ST7L: variants seen among roughly 807,000 people sequenced by gnomAD.
ST7L encodes the protein suppression of tumorigenicity 7 like, also known as suppressor of tumorigenicity 7 protein-like.
A neutral mutation model predicts 72.5 loss-of-function variants in ST7L; 57 were observed. The ratio of observed to expected loss-of-function variants is 0.79; its 90% CI spans 0.64 to 0.98. The LOEUF (loss-of-function observed/expected upper bound fraction) is 0.98. ST7L is among the 50% of genes least tolerant of loss of function. ST7L has a pLI of 0.00. For missense variants in ST7L, 576 were observed against 672.2 expected, an observed-to-expected ratio of 0.86 and a Z score of 1.58; for synonymous variants, 221 against 240.9, an observed-to-expected ratio of 0.92 and a Z score of 0.77.
intron 11 of ST7L, among the ~76,000 whole-genome samples, chr1:112,559,944 C>T (rs1659829806): frequency 6.6e-6 from 1 of 151,962 alleles, no homozygotes; most frequent in South Asian, 2.1e-4. Context: ...TGCCACTGCA[C>T]TCCAGCCTGG....
chr1:112,540,108 G>A, intron 14 of ST7L: 1 of 985,386 alleles, frequency 1.0e-6, no homozygotes, highest in Middle Eastern at 5.2e-4. Flanking sequence ...GGTAAAGGCA[G>A]ACACTATAAA....
intron 14 of ST7L, among the ~76,000 whole-genome samples, chr1:112,534,144 T>A (rs1654817643): frequency 6.6e-6 from 1 of 152,216 alleles, no homozygotes; most frequent in African/African-American, 2.4e-5. Flanking sequence ...TATCTTCATT[T>A]AAAACTCTTC....
intron 3 of ST7L, among the ~76,000 whole-genome samples, chr1:112,604,045 C>T (rs534510989): frequency 5.3e-5 from 8 of 152,260 alleles, no homozygotes; most frequent in East Asian, 3.9e-4. Flanking sequence ...CAGTGGCTCA[C>T]GCCTGTAATC....
rs1322392183 is a variant in ST7L at position 112,584,010 on chromosome 1, T to C, written c.818A>G (p.Gln273Arg). 1 of 1,614,212 alleles carries C rather than the reference T, an allele frequency of 6.2e-7. No individual in the cohort carries two copies. The highest frequency in any genetic ancestry group is 1.7e-5 in the Admixed American group (1 of 60,024). ...ATGCTGAGGACTTTGGTGCTGGCAC[T>C]GCTGTGACTGCCTATAAATTGTTTC... ...AGETIYRQSQQCQHQSPQHEA... is the reference protein window; with the variant it reads ...AGETIYRQSQRCQHQSPQHEA... Residue 273 changes from glutamine to arginine, a missense_variant, in exon 7 of 15, where the codon CAG becomes CGG. Physicochemically the swap from Gln to Arg is conservative, Grantham distance 43. Transcript: ENST00000358039.
At chr1:112,600,724 A>G in intron 4 of ST7L, 70 bp downstream of exon 4, 1 of 1,335,734 alleles carries the variant, frequency 7.5e-7, no homozygotes, top group Non-Finnish European at 1.1e-6. Context: ...ATTTATAAAG[A>G]CAAATGATTT....
intron 11 of ST7L, among the ~76,000 whole-genome samples, chr1:112,569,841 C>A (rs543254710): frequency 1.3e-5 from 2 of 151,748 alleles, no homozygotes; most frequent in Non-Finnish European, 2.9e-5. Flanking sequence ...ACCTGTAGTC[C>A]CAGCTACTCA....
At chr1:112,540,150 T>C (rs1260992259) in intron 14 of ST7L, 1 of 985,314 alleles carries the variant, frequency 1.0e-6, no homozygotes, top group Non-Finnish European at 1.2e-6. Context: ...CATGGAAATA[T>C]ACTACTAACA....
chr1:112,576,836 C>T (rs999283640), intron 11 of ST7L, 150 bp downstream of exon 11: 17 of 486,114 alleles, frequency 3.5e-5, no homozygotes, highest in South Asian at 1.5e-4. Context: ...AATGTTTCAA[C>T]GTCCCCTGTA....
chr1:112,527,940 A>G (rs1203206601), intron 14 of ST7L: 2 of 152,222 alleles, frequency 1.3e-5, no homozygotes, highest in African/African-American at 4.8e-5. Context: ...TAGGCCTTCA[A>G]AATATTTGTG....
At chr1:112,617,993 G>A in intron 1 of ST7L, 1 of 1,303,296 alleles carries the variant, frequency 7.7e-7, no homozygotes, top group Non-Finnish European at 1.0e-6. Context: ...AAATATTTCC[G>A]AACATTAACT....
intron 10 of ST7L, among the ~76,000 whole-genome samples, chr1:112,577,837 G>C (rs1369706769): frequency 1.3e-5 from 2 of 152,066 alleles, no homozygotes; most frequent in African/African-American, 4.8e-5. Context: ...TATTTGGTTG[G>C]TTTCTGAGTA....
At chr1:112,595,370 GAAAAAAA>G (rs67553307) in intron 5 of ST7L, among the ~76,000 whole-genome samples, 4 of 52,000 alleles carry the variant, frequency 7.7e-5, no homozygotes, top group African/African-American at 1.5e-4. Context: ...GGTCTCAAAA[GAAAAAAA>G]AAAAAAAAAA....
intron 9 of ST7L, among the ~76,000 whole-genome samples, chr1:112,581,319 T>C (rs1441470307): frequency 6.6e-6 from 1 of 152,148 alleles, no homozygotes; most frequent in Non-Finnish European, 1.5e-5. Context: ...ACATGCTGTC[T>C]TCAATGTAAC....
At chr1:112,603,011 G>A (rs543785424) in intron 3 of ST7L, among the ~76,000 whole-genome samples, 74 of 143,620 alleles carry the variant, frequency 5.2e-4, no homozygotes, top group Non-Finnish European at 8.2e-4. Flanking sequence ...CACCGCGCCC[G>A]GCCCCTGGCA....
intron 5 of ST7L, among the ~76,000 whole-genome samples, chr1:112,593,409 T>G (rs1665985385): frequency 6.6e-6 from 1 of 152,146 alleles, no homozygotes. Context: ...AGCAATTCAC[T>G]CAAATTTATC....
chr1:112,532,239 C>T (rs1372122809), intron 14 of ST7L, among the ~76,000 whole-genome samples: 1 of 152,200 alleles, frequency 6.6e-6, no homozygotes, highest in Non-Finnish European at 1.5e-5. Flanking sequence ...GTGCCTTCGT[C>T]CACACCCTAG....
chr1:112,579,380 T>TAAAAAAAAAAAAAAAAAAAAAAAAA (rs34252016), intron 9 of ST7L, among the ~76,000 whole-genome samples: 1 of 96,796 alleles, frequency 1.0e-5, no homozygotes, highest in African/African-American at 3.9e-5. Flanking sequence ...CGAGACTCTG[T>TAAAAAAAAAAAAAAAAAAAAAAAAA]AAAAAAAAAA....
intron 13 of ST7L, among the ~76,000 whole-genome samples, chr1:112,545,118 G>A (rs567998412): frequency 3.3e-5 from 5 of 152,054 alleles, no homozygotes; most frequent in Admixed American, 3.3e-4. Flanking sequence ...AGTACTCCTG[G>A]GTATTAAAAC....
intron 4 of ST7L, among the ~76,000 whole-genome samples, chr1:112,598,630 G>A (rs551391106): frequency 2.0e-5 from 3 of 151,082 alleles, no homozygotes; most frequent in Middle Eastern, 6.8e-3. Flanking sequence ...CGAAAATTAA[G>A]GATTGGGAAT....
Sources: gnomAD v4.1 joint callset for allele counts (sites outside exome capture counted in the v4.1 genomes callset) on GRCh38, gnomAD v4.1.1 for gene constraint, MANE v1.5 for transcripts, NCBI Gene and HGNC (gene_info 2026-07-23, HGNC 2026-07-21) for gene names.